Variants in USH2A observed in about 807,000 individuals in gnomAD.
USH2A encodes the protein usherin.
USH2A carries 443 observed loss-of-function variants against 538.9 expected under a neutral mutation model. That is an observed-to-expected ratio of 0.82 (90% CI 0.76 to 0.89). The LOEUF is 0.89. USH2A is among the 40% of genes least tolerant of loss of function. USH2A has a pLI of 0.00. For missense variants in USH2A, 6,633 were observed against 6,324.8 expected (o/e 1.05, Z -1.65); for synonymous variants, 2,413 against 2,273.5 (o/e 1.06, Z -1.75).
chr1:215,975,167 T>G (rs1268927523), intron 35 of USH2A, among the ~76,000 whole-genome samples: 3 of 152,172 alleles, frequency 2.0e-5, no homozygotes, highest in African/African-American at 7.2e-5. Context: ...ACCCACTTTT[T>G]AATGAGGTTA....
intron 35 of USH2A, among the ~76,000 whole-genome samples, chr1:215,991,102 G>A (rs1165344225): frequency 6.6e-6 from 1 of 152,078 alleles, no homozygotes; most frequent in Non-Finnish European, 1.5e-5. Context: ...GGGGTCCATG[G>A]AAGTTAATGA....
intron 3 of USH2A, among the ~76,000 whole-genome samples, chr1:216,377,903 GAGAA>G (rs1326903941): frequency 5.5e-5 from 8 of 144,784 alleles, no homozygotes; most frequent in Non-Finnish European, 8.9e-5. Context: ...AAGAAAGAAA[GAGAA>G]AGAAAGAGAA....
In USH2A at chr1:215,693,092, A is replaced by ATGTGTGTGTG. The variant is rs60566275; in HGVS notation, c.12067-12726_12067-12717dup. Among the ~76,000 whole-genome samples the ATGTGTGTGTG allele has an allele frequency of 8.8e-3, 1,161 of 131,620 alleles. 8 individuals carry two copies. The highest frequency in any genetic ancestry group is 0.02 in the African/African-American group (691 of 34,786). 86.3% of individuals were successfully genotyped at this position (131,620 alleles called of 152,430 possible). On this transcript the variant is annotated intron_variant, in intron 61 of 71. Coordinates refer to ENST00000307340, the MANE Select transcript of USH2A (RefSeq NM_206933.4). ...TTTGTGTGTGTATATATATATATAT[A>ATGTGTGTGTG]TGTGTGTGTGTGTGTGTGTATGTGT...
chr1:216,253,325 C>T (rs558102571), intron 11 of USH2A, among the ~76,000 whole-genome samples: 6 of 151,878 alleles, frequency 4.0e-5, no homozygotes, highest in Admixed American at 1.3e-4. Context: ...CCACCAGGCA[C>T]GGCTAATTTT....
chr1:216,372,686 A>G (rs754171550), intron 3 of USH2A, among the ~76,000 whole-genome samples: 3 of 152,162 alleles, frequency 2.0e-5, no homozygotes, highest in Non-Finnish European at 4.4e-5. Context: ...TTACACATAT[A>G]CATGATGGAA....
intron 43 of USH2A, among the ~76,000 whole-genome samples, chr1:215,874,019 T>A (rs1458954560): frequency 1.3e-5 from 2 of 152,188 alleles, no homozygotes; most frequent in Non-Finnish European, 2.9e-5. Flanking sequence ...CTCATTGTAT[T>A]CTTAGCAGTT....
chr1:215,670,074 T>G (rs948399754), intron 64 of USH2A, among the ~76,000 whole-genome samples: 1 of 152,184 alleles, frequency 6.6e-6, no homozygotes, highest in African/African-American at 2.4e-5. Flanking sequence ...GTTTATGGAA[T>G]TAAAAGAACG....
At chr1:215,982,440 TA>T (rs971434434) in intron 35 of USH2A, among the ~76,000 whole-genome samples, 20 of 152,326 alleles carry the variant, frequency 1.3e-4, no homozygotes, top group African/African-American at 4.8e-4. Flanking sequence ...TTGTAAAAAC[TA>T]AACTAACATC....
chr1:215,897,491 A>T (rs1179291869), intron 40 of USH2A, among the ~76,000 whole-genome samples: 1 of 152,112 alleles, frequency 6.6e-6, no homozygotes, highest in East Asian at 1.9e-4. Context: ...GTTCGAGACC[A>T]GCCTGGCCAA....
intron 64 of USH2A, among the ~76,000 whole-genome samples, chr1:215,666,804 T>C (rs1457145744): frequency 6.6e-6 from 1 of 152,072 alleles, no homozygotes; most frequent in African/African-American, 2.4e-5. Flanking sequence ...AAAGTACAGG[T>C]TGCTAGGCCA....
At chr1:216,388,719 C>A (rs1445221996) in intron 3 of USH2A, among the ~76,000 whole-genome samples, 2 of 152,222 alleles carry the variant, frequency 1.3e-5, no homozygotes, top group Non-Finnish European at 2.9e-5. Flanking sequence ...GGAGGACAAG[C>A]TAGAGCCACA....
chr1:215,838,600 T>C (rs1035814989), intron 46 of USH2A, among the ~76,000 whole-genome samples: 28 of 152,210 alleles, frequency 1.8e-4, no homozygotes, highest in African/African-American at 6.8e-4. Context: ...AGGTATTTTA[T>C]ATCCATTTGT....
chr1:216,121,600 C>T (rs181567952), intron 21 of USH2A, among the ~76,000 whole-genome samples: 1 of 152,096 alleles, frequency 6.6e-6, no homozygotes, highest in Admixed American at 6.5e-5. Context: ...AGTTTTCAGG[C>T]TATGCTAATT....
intron 61 of USH2A, among the ~76,000 whole-genome samples, chr1:215,715,673 C>T (rs926127104): frequency 6.6e-6 from 1 of 152,174 alleles, no homozygotes; most frequent in African/African-American, 2.4e-5. Context: ...GGGTTGCCTG[C>T]CATTATGTTT....
intron 11 of USH2A, among the ~76,000 whole-genome samples, chr1:216,253,636 A>G (rs916994491): frequency 1.3e-5 from 2 of 152,128 alleles, no homozygotes; most frequent in African/African-American, 4.8e-5. Flanking sequence ...CCCTGACCCT[A>G]CACTTCTGCT....
intron 4 of USH2A, among the ~76,000 whole-genome samples, chr1:216,359,561 C>G (rs2038452165): frequency 6.6e-6 from 1 of 151,814 alleles, no homozygotes; most frequent in African/African-American, 2.4e-5. Context: ...TTTTTTAAAA[C>G]TAGACATTGG....
intron 61 of USH2A, among the ~76,000 whole-genome samples, chr1:215,710,640 G>C (rs937690143): frequency 1.3e-5 from 2 of 151,984 alleles, no homozygotes; most frequent in African/African-American, 4.8e-5. Context: ...CTACTCCTTA[G>C]ACTACAGACA....
At chr1:216,029,058 C>T (rs1182446905) in intron 32 of USH2A, among the ~76,000 whole-genome samples, 3 of 151,576 alleles carry the variant, frequency 2.0e-5, no homozygotes, top group African/African-American at 7.3e-5. Flanking sequence ...TAAAATTTAC[C>T]ATTTTGTAGT....
In USH2A at chr1:216,422,516, C is replaced by T. The variant is rs993199310; in HGVS notation, c.-180G>A. ...ATACCAACGACGTTCTTAGCAATGG[C>T]GAAGACATGAGTAGCTGCTGGTATC... On this transcript the variant is annotated 5_prime_UTR_variant, in exon 2 of 72. Transcript: ENST00000307340. The T allele has an allele frequency of 1.0e-4, 79 of 792,448 alleles. No homozygotes were observed. The highest frequency in any genetic ancestry group is 7.7e-4 in the Middle Eastern group (3 of 3,906). 49.1% of individuals were successfully genotyped at this position (792,448 alleles called of 1,614,324 possible). A position where few individuals can be genotyped will look rare whatever the true frequency, so the allele number is the denominator to read the frequency against.
Sources: gnomAD v4.1 joint callset for allele counts (sites outside exome capture counted in the v4.1 genomes callset) on GRCh38, gnomAD v4.1.1 for gene constraint, MANE v1.5 for transcripts, NCBI Gene and HGNC (gene_info 2026-07-23, HGNC 2026-07-21) for gene names.